The following RELN variants were observed in gnomAD, a reference collection of about 807,000 sequenced individuals.
RELN encodes reelin.
RELN carries 108 observed loss-of-function variants against 427.6 expected under a neutral mutation model. The ratio of observed to expected loss-of-function variants is 0.25; its 90% CI spans 0.22 to 0.30. RELN has a LOEUF of 0.30. Among genes scored for constraint, RELN ranks in the 10% least tolerant of loss-of-function variants. The pLI is 1.00. For synonymous variants in RELN, 1,524 were observed against 1,513.4 expected (o/e 1.01, Z -0.16); for missense variants, 3,715 against 4,302.8 (o/e 0.86, Z 3.82).
chr7:103,515,610 G>A (rs1351813142), intron 49 of RELN, among the ~76,000 whole-genome samples, 169 bp from the exon 50 acceptor site: 1 of 152,172 alleles, frequency 6.6e-6, no homozygotes, highest in African/African-American at 2.4e-5. Context: ...TTAATTTTAT[G>A]AAGTCTCAGT....
chr7:103,690,217 A>G (rs1161872104), intron 10 of RELN, among the ~76,000 whole-genome samples: 1 of 152,152 alleles, frequency 6.6e-6, no homozygotes, highest in Non-Finnish European at 1.5e-5. Flanking sequence ...TCATTCCTGA[A>G]TATGAGAATT....
chr7:103,572,293 CAA>C, intron 30 of RELN, 33 bp from the exon 31 acceptor site: 3 of 1,204,830 alleles, frequency 2.5e-6, no homozygotes, highest in Middle Eastern at 2.1e-4. Flanking sequence ...TACTTACAAA[CAA>C]GAGTTCAGAA....
At position 103,772,848 on chromosome 7, in the gene RELN, G is replaced by A. The variant is rs1363137680; in HGVS notation, c.544+3709C>T. 2.6e-5 allele frequency among the ~76,000 whole-genome samples: 4 copies of A among 152,186 alleles called. No individual in the cohort carries two copies. In the South Asian group the frequency reaches 6.2e-4, roughly 24 times the overall value. ...AGGGATTTTCCTTGCATGTTGATAA[G>A]CAGTAGGAATTTCACTCTGAAGACA... On this transcript the variant is annotated intron_variant, in intron 4 of 64. Transcript: ENST00000428762.
In RELN at chr7:103,503,103, G is replaced by T; in HGVS notation, c.8402C>A (p.Ser2801Tyr). Residue 2801 changes from serine to tyrosine, a missense_variant, in exon 52 of 65, where the codon TCT becomes TAT. Physicochemically the swap from Ser to Tyr is moderately radical, Grantham distance 144. This residue lies in a region of RELN where 1,310 missense variants were observed against 1,643.0 expected (regional missense o/e 0.80). Coordinates refer to ENST00000428762, the MANE Select transcript of RELN (RefSeq NM_005045.4). ...TACAGATGGCTGAGAAACACTTCCA[G>T]AGCATTTTGGGTCAGCAGGCAAGCA... ...PQCLPADPKC[S>Y]GSVSQPSVFF... 1 of 1,614,164 alleles carries T rather than the reference G, an allele frequency of 6.2e-7. No individual in the cohort carries two copies. The highest frequency in any genetic ancestry group is 8.5e-7 in the Non-Finnish European group (1 of 1,180,038).
chr7:103,636,162 A>C, intron 18 of RELN, 73 bp downstream of exon 18: 1 of 1,000,016 alleles, frequency 1.0e-6, no homozygotes, highest in South Asian at 1.4e-5. Context: ...TATAAGAAAT[A>C]AAAATGGACA....
rs114536939 is a variant in RELN, at chr7:103,585,975, G to A, written c.4145+3621C>T. On this transcript the variant is annotated intron_variant, in intron 28 of 64. Transcript: ENST00000428762. ...AAAACATATGATCATTTCAATAAAC[G>A]CAGAAAGAGCATTAGATAAAATCCA... Among the ~76,000 whole-genome samples the A allele has an allele frequency of 3.5e-3, 531 of 152,152 alleles. 3 individuals are homozygous for A. The highest frequency in any genetic ancestry group is 0.012 in the African/African-American group (511 of 41,512).
chr7:103,600,890 C>T (rs1831650833), intron 24 of RELN, among the ~76,000 whole-genome samples: 1 of 152,172 alleles, frequency 6.6e-6, no homozygotes, highest in South Asian at 2.1e-4. Context: ...CATATGATCT[C>T]TTTCTGTGTT....
chr7:103,832,785 C>T (rs1043427490), intron 3 of RELN, among the ~76,000 whole-genome samples: 3 of 152,078 alleles, frequency 2.0e-5, no homozygotes, highest in African/African-American at 4.8e-5. Flanking sequence ...TACAGAGTAC[C>T]TGACTTCTGG....
intron 8 of RELN, among the ~76,000 whole-genome samples, chr7:103,705,095 T>C (rs1834172001): frequency 6.6e-6 from 1 of 152,184 alleles, no homozygotes; most frequent in Admixed American, 6.5e-5. Context: ...CTCTCAAATA[T>C]TTTTATTAAT....
At position 103,578,879 on chromosome 7, in the gene RELN, T is replaced by C. The variant is rs1584313298; in HGVS notation, c.4146-3174A>G. Among the ~76,000 whole-genome samples the C allele has an allele frequency of 2.6e-5, 4 of 152,336 alleles. No homozygotes were observed. In the East Asian group the frequency reaches 5.8e-4, roughly 22 times the overall value. On this transcript the variant is annotated intron_variant, in intron 28 of 64. Transcript: ENST00000428762. ...ACCTTGCCTTTTCAAGGAGACACAG[T>C]AGAATGTGGAACAATGATTTCTTAT...
intron 2 of RELN, among the ~76,000 whole-genome samples, chr7:103,872,892 C>T (rs1360105287): frequency 6.6e-6 from 1 of 151,254 alleles, no homozygotes; most frequent in African/African-American, 2.4e-5. Context: ...ATGTCCTTCG[C>T]CCACTTTTTG....
chr7:103,840,726 A>G (rs571483445), intron 2 of RELN, among the ~76,000 whole-genome samples: 50 of 152,244 alleles, frequency 3.3e-4, no homozygotes, highest in African/African-American at 1.2e-3. Context: ...GAGATATACC[A>G]CCTAATTAAT....
intron 1 of RELN, among the ~76,000 whole-genome samples, chr7:103,925,964 T>C (rs1488815854): frequency 6.6e-6 from 1 of 152,158 alleles, no homozygotes; most frequent in Non-Finnish European, 1.5e-5. Flanking sequence ...AACTTTTCTG[T>C]TTCTATTATG....
At chr7:103,770,448 C>T (rs1307460280) in intron 4 of RELN, among the ~76,000 whole-genome samples, 2 of 152,062 alleles carry the variant, frequency 1.3e-5, no homozygotes, top group Non-Finnish European at 2.9e-5. Context: ...CCCATGGTTC[C>T]CCCATGGTTT....
chr7:103,496,621 A>G lies in RELN; in HGVS notation c.9098T>C (p.Val3033Ala). The G allele has an allele frequency of 6.2e-7, 1 of 1,614,176 alleles. No individual in the cohort carries two copies. Among genetic ancestry groups the G allele is most frequent in the Non-Finnish European group, 8.5e-7 (1 of 1,180,008 alleles). ...CCACTGAGCACGCTCCACCCCAGAG[A>G]CCACAATTCCATTGCTGATCACAAA... ...QPFVISNGIV[V>A]SGVERAQWAL... The change falls in exon 56 of 65, where the codon GTC becomes GCC. Residue 3033 changes from valine (V) to alanine (A), a missense_variant. By Grantham distance (64) the Val-to-Ala change is moderately conservative (BLOSUM62 0). Coordinates refer to ENST00000428762, the MANE Select transcript of RELN (RefSeq NM_005045.4).
intron 2 of RELN, among the ~76,000 whole-genome samples, chr7:103,895,512 C>T (rs1794940760): frequency 6.6e-6 from 1 of 152,050 alleles, no homozygotes; most frequent in Admixed American, 6.6e-5. Context: ...GAAGCAATTT[C>T]AGTCATTTAT....
intron 2 of RELN, among the ~76,000 whole-genome samples, chr7:103,856,187 T>C (rs1437338613): frequency 6.6e-6 from 1 of 152,136 alleles, no homozygotes; most frequent in Non-Finnish European, 1.5e-5. Context: ...CAAACTTGCC[T>C]AAAATACAAG....
At chr7:103,677,914 A>G (rs1452390919) in intron 11 of RELN, among the ~76,000 whole-genome samples, 1 of 151,912 alleles carries the variant, frequency 6.6e-6, no homozygotes, top group East Asian at 1.9e-4. Context: ...TTCATTCAAC[A>G]TGTGTTCTGG....
chr7:103,856,055 G>A (rs1197290297), intron 2 of RELN, among the ~76,000 whole-genome samples: 1 of 152,122 alleles, frequency 6.6e-6, no homozygotes, highest in Non-Finnish European at 1.5e-5. Context: ...AAAAATAAGA[G>A]TTTGACAGTG....
Sources: gnomAD v4.1 joint callset for allele counts (sites outside exome capture counted in the v4.1 genomes callset) on GRCh38, gnomAD v4.1.1 for gene constraint, gnomAD v4.1.1 regional missense constraint, MANE v1.5 for transcripts, NCBI Gene and HGNC (gene_info 2026-07-23, HGNC 2026-07-21) for gene names.